SLC16A12: variants seen among roughly 807,000 people sequenced by gnomAD.
The protein encoded by SLC16A12 is monocarboxylate transporter 12.
A neutral mutation model predicts 42.4 loss-of-function variants in SLC16A12; 17 were observed. The ratio of observed to expected loss-of-function variants is 0.40; its 90% confidence interval spans 0.27 to 0.60. The LOEUF (loss-of-function observed/expected upper bound fraction) is 0.60, where lower values mean the gene tolerates loss of function less well. Ranked by LOEUF, SLC16A12 falls within the 20% of genes least tolerant of loss-of-function variation. The pLI, the probability that SLC16A12 is intolerant of heterozygous loss-of-function variation, is 0.42. For synonymous variants in SLC16A12, 224 were observed against 229.4 expected, an observed-to-expected ratio of 0.98 and a Z score of 0.21; for missense variants, 544 against 623.0, an observed-to-expected ratio of 0.87 and a Z score of 1.35.
rs190845962 is a variant in SLC16A12, at chr10:89,444,510, T to C, written c.201-651A>G. Among the ~76,000 whole-genome samples, 327 of 152,366 alleles carry C rather than the reference T, an allele frequency of 2.1e-3. 4 individuals are homozygous for C. Among genetic ancestry groups the C allele is most frequent in the African/African-American group, 7.4e-3 (308 of 41,588 alleles). On this transcript the variant is annotated intron_variant, in intron 3 of 7. Transcript: ENST00000371790. ...TAGTAAGTCTTAAAAATGATGATGTTGATCTGTATATATTGATTTGGAAAT... is the reference window on the plus strand; with the variant it reads ...TAGTAAGTCTTAAAAATGATGATGTCGATCTGTATATATTGATTTGGAAAT...
At chr10:89,456,343 T>C (rs767735619) in intron 3 of SLC16A12, 2 of 152,178 alleles carry the variant, frequency 1.3e-5, no homozygotes, top group Non-Finnish European at 2.9e-5. Flanking sequence ...ATTCTAGACA[T>C]ATATTGCACC....
chr10:89,481,875 T>C (rs1842669273), intron 2 of SLC16A12, among the ~76,000 whole-genome samples: 1 of 152,168 alleles, frequency 6.6e-6, no homozygotes, highest in South Asian at 2.1e-4. Context: ...TCTCATGGCA[T>C]TTCAGGCTCG....
Position 89,433,015 on chromosome 10 carries a change from T to C in SLC16A12, c.*49A>G, listed in dbSNP as rs758678344. On this transcript the variant is annotated 3_prime_UTR_variant, in exon 8 of 8. Coordinates refer to ENST00000371790, the MANE Select transcript of SLC16A12 (RefSeq NM_213606.4). ...AGTTTCAGAAACATGAAGAATCTGG[T>C]GGCCCCACCTCTCTCAAACCTGAAG... 1.2e-5 allele frequency: 19 copies of C among 1,604,106 alleles called. No homozygotes were observed. Among genetic ancestry groups the C allele is most frequent in the Non-Finnish European group, 1.6e-5 (19 of 1,177,802 alleles).
At chr10:89,471,123 A>G (rs1269024276) in intron 2 of SLC16A12, among the ~76,000 whole-genome samples, 1 of 152,266 alleles carries the variant, frequency 6.6e-6, no homozygotes, top group Non-Finnish European at 1.5e-5. Flanking sequence ...TAACTTACAT[A>G]CAATAAAACA....
chr10:89,506,147 C>G (rs1843057915), intron 2 of SLC16A12, among the ~76,000 whole-genome samples: 1 of 152,194 alleles, frequency 6.6e-6, no homozygotes, highest in African/African-American at 2.4e-5. Context: ...GTGGGCACAG[C>G]TTCAGCAGAC....
intron 2 of SLC16A12, among the ~76,000 whole-genome samples, chr10:89,477,249 G>T (rs1417816338): frequency 1.3e-5 from 2 of 152,168 alleles, no homozygotes; most frequent in African/African-American, 2.4e-5. Flanking sequence ...TTCTTTGCAT[G>T]TGAGTACAGT....
chr10:89,448,413 C>G (rs890473537), intron 3 of SLC16A12, among the ~76,000 whole-genome samples: 4 of 152,132 alleles, frequency 2.6e-5, no homozygotes, highest in African/African-American at 9.7e-5. Context: ...CCACCAAGAT[C>G]AAGTTGGCTT....
At chr10:89,514,627 C>T (rs1228668000) in intron 2 of SLC16A12, among the ~76,000 whole-genome samples, 2 of 152,206 alleles carry the variant, frequency 1.3e-5, no homozygotes, top group African/African-American at 4.8e-5. Flanking sequence ...AGACTCCATC[C>T]TTGTGACTTC....
At chr10:89,514,411 T>C (rs933666258) in intron 2 of SLC16A12, among the ~76,000 whole-genome samples, 7 of 152,158 alleles carry the variant, frequency 4.6e-5, no homozygotes, top group African/African-American at 1.4e-4. Flanking sequence ...GCTTAAGCAA[T>C]AGACATTTTT....
chr10:89,537,253 T>C (rs541187910), upstream of SLC16A12, among the ~76,000 whole-genome samples: 15 of 150,454 alleles, frequency 1.0e-4, no homozygotes, highest in South Asian at 2.8e-3. Flanking sequence ...TCATAGCTCA[T>C]TGCAGTCTCG....
At chr10:89,508,037 C>A (rs113830231) in intron 2 of SLC16A12, among the ~76,000 whole-genome samples, 10,624 of 152,108 alleles carry the variant, frequency 0.07, 532 homozygotes, top group African/African-American at 0.14. Flanking sequence ...ACTATCCTAA[C>A]TATATATGCA....
intron 2 of SLC16A12, among the ~76,000 whole-genome samples, chr10:89,516,840 A>G (rs1323890537): frequency 2.0e-5 from 3 of 152,218 alleles, no homozygotes; most frequent in Non-Finnish European, 1.5e-5. Flanking sequence ...AATCCACTAA[A>G]TCCATAGTAA....
chr10:89,441,149 G>A lies in SLC16A12; in HGVS notation c.407C>T (p.Thr136Met), dbSNP rs190323395. 3.5e-5 allele frequency: 56 copies of A among 1,613,890 alleles called. No individual in the cohort carries two copies. Among genetic ancestry groups the A allele is most frequent in the African/African-American group, 5.3e-5 (4 of 75,022 alleles). Residue 136 changes from threonine (T) to methionine (M), a missense_variant, in exon 5 of 8, where the codon ACG becomes ATG. Coordinates refer to ENST00000371790, the MANE Select transcript of SLC16A12 (RefSeq NM_213606.4). Reference protein sequence around the residue: ...STGLILSSFATSLKHLYLTLG... With the variant: ...STGLILSSFAMSLKHLYLTLG... ...AGTGAGGTAGAGATGCTTCAGACTC[G>A]TGGCAAATGAGCTCAGGATGAGTCC...
intron 2 of SLC16A12, among the ~76,000 whole-genome samples, chr10:89,475,605 T>C (rs996170517): frequency 2.6e-5 from 4 of 152,212 alleles, no homozygotes; most frequent in Admixed American, 6.5e-5. Flanking sequence ...TCTCTCTGCT[T>C]AGTCCTCAAA....
At chr10:89,473,879 G>A (rs577260957) in intron 2 of SLC16A12, among the ~76,000 whole-genome samples, 1 of 152,254 alleles carries the variant, frequency 6.6e-6, no homozygotes, top group South Asian at 2.1e-4. Flanking sequence ...TTTGCCTGAG[G>A]ATTGGCTGGT....
chr10:89,536,186 T>A (rs1378600991), upstream of SLC16A12, among the ~76,000 whole-genome samples: 1 of 152,052 alleles, frequency 6.6e-6, no homozygotes, highest in Non-Finnish European at 1.5e-5. Flanking sequence ...CAAAAAGAAC[T>A]TTTCCCCTCA....
chr10:89,500,778 G>T (rs303190), intron 2 of SLC16A12, among the ~76,000 whole-genome samples: 32,987 of 152,098 alleles, frequency 0.22, 4,346 homozygotes, highest in Non-Finnish European at 0.31. Context: ...CATAGTACTG[G>T]AAGTCCTAGC....
chr10:89,519,740 G>A (rs762237358), intron 2 of SLC16A12, among the ~76,000 whole-genome samples: 8 of 151,948 alleles, frequency 5.3e-5, no homozygotes, highest in East Asian at 1.9e-4. Flanking sequence ...AGGGGGTGGG[G>A]GGGTCCGAGG....
upstream of SLC16A12, among the ~76,000 whole-genome samples, chr10:89,540,395 A>G (rs1440449858): frequency 1.3e-5 from 2 of 152,082 alleles, no homozygotes; most frequent in African/African-American, 4.8e-5. Context: ...CACCATGCCC[A>G]GCCTAGAGTC....
Sources: allele counts gnomAD v4.1 joint callset (sites outside exome capture counted in the v4.1 genomes callset), GRCh38; gene constraint gnomAD v4.1.1; transcripts MANE v1.5; gene names NCBI Gene and HGNC (gene_info 2026-07-23, HGNC 2026-07-21).